RASGRP3: variants seen among roughly 807,000 people sequenced by gnomAD.
RASGRP3 encodes the protein RAS guanyl releasing protein 3.
Under a neutral mutation model 82.7 loss-of-function variants are expected in RASGRP3, and 54 were observed. The observed-to-expected ratio is 0.65, with a 90% CI of 0.52 to 0.82. The LOEUF (loss-of-function observed/expected upper bound fraction) is 0.82, where lower values mean the gene tolerates loss of function less well. Among genes scored for constraint, RASGRP3 ranks in the 40% least tolerant of loss-of-function variants. RASGRP3 has a pLI of 0.00. For synonymous variants in RASGRP3, 309 were observed against 300.5 expected, an observed-to-expected ratio of 1.03 and a Z score of -0.29; for missense variants, 861 against 828.9, an observed-to-expected ratio of 1.04 and a Z score of -0.48.
At chr2:33,494,388 A>G (rs1669124857) in intron 1 of RASGRP3, among the ~76,000 whole-genome samples, 1 of 152,254 alleles carries the variant, frequency 6.6e-6, no homozygotes, top group Non-Finnish European at 1.5e-5. Flanking sequence ...GTAATAAACA[A>G]CAACAAAAGT....
At chr2:33,476,867 T>A (rs1030612671) in intron 1 of RASGRP3, among the ~76,000 whole-genome samples, 160 bp downstream of exon 1, 1 of 151,848 alleles carries the variant, frequency 6.6e-6, no homozygotes, top group Non-Finnish European at 1.5e-5. Context: ...ATATTTTATT[T>A]GTACCTGTTA....
intron 1 of RASGRP3, among the ~76,000 whole-genome samples, chr2:33,492,322 C>T (rs183365446): frequency 1.1e-4 from 17 of 152,254 alleles, no homozygotes; most frequent in African/African-American, 2.9e-4. Flanking sequence ...AGACCTGCTT[C>T]GAGCCCCCAA....
chr2:33,507,892 A>G (rs888177961), intron 1 of RASGRP3, among the ~76,000 whole-genome samples: 1 of 152,322 alleles, frequency 6.6e-6, no homozygotes, highest in Middle Eastern at 3.4e-3. Context: ...AAAGACCTAT[A>G]CTGTGGATGG....
At chr2:33,455,673 A>G (rs1666000509) in intron 2 of RASGRP3, among the ~76,000 whole-genome samples, 2 of 152,280 alleles carry the variant, frequency 1.3e-5, no homozygotes, top group South Asian at 4.1e-4. Flanking sequence ...ACTTCTGGGA[A>G]GGACTTTCCA....
At chr2:33,469,065 T>G (rs968190294) in intron 2 of RASGRP3, among the ~76,000 whole-genome samples, 4 of 152,222 alleles carry the variant, frequency 2.6e-5, no homozygotes, top group African/African-American at 4.8e-5. Context: ...GATAATAAAT[T>G]GTATCTTATC....
intron 4 of RASGRP3, among the ~76,000 whole-genome samples, chr2:33,517,987 T>C (rs1207390976): frequency 6.6e-6 from 1 of 152,100 alleles, no homozygotes; most frequent in African/African-American, 2.4e-5. Context: ...AAAAAGAATA[T>C]GAATAAATAC....
intron 1 of RASGRP3, among the ~76,000 whole-genome samples, chr2:33,496,538 T>G (rs17013153): frequency 0.061 from 9,232 of 152,242 alleles, 329 homozygotes; most frequent in South Asian, 0.13. Flanking sequence ...CTAGATGACA[T>G]GAGGAATTTT....
In RASGRP3 at chr2:33,558,878, TC is replaced by T; in HGVS notation, c.1914del (p.Lys639SerfsTer29). ...GTCCCACACCTTCCCTAAAATGAAATCCAAGTTCCATGACAAAGCAGCAAAG... is the reference window on the plus strand; with the variant it reads ...GTCCCACACCTTCCCTAAAATGAAATCAAGTTCCATGACAAAGCAGCAAAG... The part of the protein sequence containing the change: ...SGSHTFPKMK[S>X]KFHDKAAKDK... On this transcript the variant is annotated frameshift_variant, in exon 17 of 18. Transcript: ENST00000403687. LOFTEE classifies it high-confidence loss of function. 6.2e-7 allele frequency: 1 copy of T among 1,613,888 alleles called. No individual in the cohort carries two copies. The highest frequency in any genetic ancestry group is 2.2e-5 in the East Asian group (1 of 44,864).
At chr2:33,524,813 C>T (rs1349014212) in intron 9 of RASGRP3, among the ~76,000 whole-genome samples, 1 of 152,080 alleles carries the variant, frequency 6.6e-6, no homozygotes, top group Non-Finnish European at 1.5e-5. Flanking sequence ...GGCACGGTGG[C>T]TCACACCTGT....
chr2:33,548,553 G>A (rs1675057013), intron 13 of RASGRP3, among the ~76,000 whole-genome samples: 1 of 151,974 alleles, frequency 6.6e-6, no homozygotes, highest in Non-Finnish European at 1.5e-5. Flanking sequence ...GTGCTGGATG[G>A]CACAACTCTT....
chr2:33,478,571 C>A (rs1161133625), intron 1 of RASGRP3, among the ~76,000 whole-genome samples: 1 of 152,024 alleles, frequency 6.6e-6, no homozygotes, highest in African/African-American at 2.4e-5. Flanking sequence ...TTTTTGAGAG[C>A]CAACAGGCTC....
intron 1 of RASGRP3, among the ~76,000 whole-genome samples, chr2:33,492,170 A>C (rs1668903180): frequency 6.6e-6 from 1 of 152,240 alleles, no homozygotes; most frequent in Non-Finnish European, 1.5e-5. Flanking sequence ...TGCATTGGGC[A>C]AGTCCATTTG....
At chr2:33,507,845 G>C (rs946073657) in intron 1 of RASGRP3, among the ~76,000 whole-genome samples, 1 of 152,168 alleles carries the variant, frequency 6.6e-6, no homozygotes, top group Non-Finnish European at 1.5e-5. Flanking sequence ...ATTTTTAAAA[G>C]ATTCTTTCAG....
At chr2:33,469,315 A>T (rs1437699573) in intron 2 of RASGRP3, among the ~76,000 whole-genome samples, 1 of 152,118 alleles carries the variant, frequency 6.6e-6, no homozygotes, top group East Asian at 1.9e-4. Flanking sequence ...TTTATATTTT[A>T]TGGTTTAAAT....
At chr2:33,547,053 GAAAAAAAAA>G (rs767124838) in intron 13 of RASGRP3, among the ~76,000 whole-genome samples, 6,160 of 123,936 alleles carry the variant, frequency 0.05, 190 homozygotes, top group South Asian at 0.11. Context: ...CTGTCTCAGG[GAAAAAAAAA>G]AAAAAAAAAA....
intron 3 of RASGRP3, among the ~76,000 whole-genome samples, chr2:33,516,168 G>C (rs1021189382): frequency 6.6e-6 from 1 of 152,158 alleles, no homozygotes; most frequent in Admixed American, 6.5e-5. Flanking sequence ...CCAGCACTTT[G>C]GGAGGCTGAG....
At chr2:33,495,554 G>C (rs750843277) in intron 1 of RASGRP3, among the ~76,000 whole-genome samples, 10 of 152,070 alleles carry the variant, frequency 6.6e-5, no homozygotes, top group Non-Finnish European at 1.0e-4. Flanking sequence ...TACAGGACCA[G>C]GAAGATATTA....
At position 33,540,563 on chromosome 2, in the gene RASGRP3, TGTGTG is replaced by T. The variant is rs1558506473; in HGVS notation, c.1278+1354_1278+1358del. Reference sequence around the variant, plus strand: ...TCTCTCTGTGTGTGTGTTTTGTGTGTGTGTGTGTGTGTGTGTGTGTGTGTGTGTGT... The same window carrying T: ...TCTCTCTGTGTGTGTGTTTTGTGTGTTGTGTGTGTGTGTGTGTGTGTGTGT... On this transcript the variant is annotated intron_variant, in intron 12 of 17. Coordinates refer to ENST00000403687, the MANE Select transcript of RASGRP3 (RefSeq NM_001139488.2). Among the ~76,000 whole-genome samples, 209 of 27,392 alleles carry T rather than the reference TGTGTG, an allele frequency of 7.6e-3. 23 individuals are homozygous for T. The highest frequency in any genetic ancestry group is 0.056 in the Middle Eastern group (3 of 54). 18.0% of individuals were successfully genotyped at this position (27,392 alleles called of 152,430 possible). A position where few individuals can be genotyped will look rare whatever the true frequency, so the allele number is the denominator to read the frequency against.
chr2:33,465,287 C>T (rs1666628532), intron 2 of RASGRP3, among the ~76,000 whole-genome samples: 2 of 152,202 alleles, frequency 1.3e-5, no homozygotes. Context: ...GAGCAAAGTC[C>T]TAATTCTCTT....
Sources: gnomAD v4.1 joint callset for allele counts (sites outside exome capture counted in the v4.1 genomes callset) on GRCh38, gnomAD v4.1.1 for gene constraint, MANE v1.5 for transcripts, NCBI Gene and HGNC (gene_info 2026-07-23, HGNC 2026-07-21) for gene names.